The following ERAP1 variants were observed in gnomAD, a reference collection of about 807,000 sequenced individuals.
ERAP1 encodes the protein adipocyte-derived leucine aminopeptidase.
ERAP1 carries 86 observed loss-of-function variants against 103.7 expected under a neutral mutation model. The observed-to-expected ratio is 0.83, with a 90% CI of 0.70 to 0.99. The LOEUF is 0.99. Ranked by LOEUF, ERAP1 falls within the 50% of genes least tolerant of loss-of-function variation. The pLI is 0.00. For missense variants in ERAP1, 1,009 were observed against 1,128.4 expected, an observed-to-expected ratio of 0.89 and a Z score of 1.52; for synonymous variants, 398 against 402.4, an observed-to-expected ratio of 0.99 and a Z score of 0.13.
chr5:96,829,482 A>G, the ERAP1 span, among the ~76,000 whole-genome samples: 2 of 152,226 alleles, frequency 1.3e-5, no homozygotes, highest in African/African-American at 4.8e-5. Flanking sequence ...TCCGGATTGA[A>G]TTCTTTCCAT....
At chr5:96,837,540 G>A in the ERAP1 span, among the ~76,000 whole-genome samples, 1 of 152,234 alleles carries the variant, frequency 6.6e-6, no homozygotes, top group Non-Finnish European at 1.5e-5. Context: ...GGGTGGTGCA[G>A]GAGCCGAGGC....
chr5:96,762,315 G>T (rs755290356), exon 20 of ERAP1: 2 of 1,608,836 alleles, frequency 1.2e-6, no homozygotes, highest in South Asian at 2.2e-5. Flanking sequence ...TCTCTGAAGT[G>T]GTTTCCCAAA....
At chr5:96,830,075 T>A in the ERAP1 span, among the ~76,000 whole-genome samples, 1 of 152,194 alleles carries the variant, frequency 6.6e-6, no homozygotes, top group African/African-American at 2.4e-5. Flanking sequence ...TTCAAGAAGT[T>A]GGAGTCCAAG....
At chr5:96,872,739 G>T in the ERAP1 span, among the ~76,000 whole-genome samples, 1 of 152,194 alleles carries the variant, frequency 6.6e-6, no homozygotes, top group Non-Finnish European at 1.5e-5. Context: ...AAGTATCATT[G>T]TGTCTAATTT....
intron 10 of ERAP1, among the ~76,000 whole-genome samples, chr5:96,789,708 G>A (rs1776511394): frequency 6.6e-6 from 1 of 152,180 alleles, no homozygotes; most frequent in African/African-American, 2.4e-5. Context: ...GTGACTTGAT[G>A]TTATGAATAC....
chr5:96,912,358 T>C, the ERAP1 span, among the ~76,000 whole-genome samples: 1 of 152,124 alleles, frequency 6.6e-6, no homozygotes, highest in Non-Finnish European at 1.5e-5. Flanking sequence ...TTTATATTTG[T>C]TGATTACATC....
At chr5:96,845,004 A>G in the ERAP1 span, among the ~76,000 whole-genome samples, 87 of 152,274 alleles carry the variant, frequency 5.7e-4, no homozygotes, top group Admixed American at 9.8e-4. Context: ...AGGTTACTAA[A>G]GCATTGTGTT....
the ERAP1 span, chr5:96,892,308 CT>C: frequency 3.1e-6 from 5 of 1,613,620 alleles, no homozygotes; most frequent in Non-Finnish European, 4.2e-6. Flanking sequence ...GATTTAATTG[CT>C]ATTCCTGACT....
At chr5:96,762,763 C>T (rs1446478573) in exon 20 of ERAP1, 1 of 243,972 alleles carries the variant, frequency 4.1e-6, no homozygotes, top group Admixed American at 5.0e-5. Context: ...CATTATTTAA[C>T]CTCAAGTTTA....
At chr5:96,891,579 A>G in the ERAP1 span, among the ~76,000 whole-genome samples, 1 of 151,210 alleles carries the variant, frequency 6.6e-6, no homozygotes, top group East Asian at 1.9e-4. Flanking sequence ...TGGTACACAC[A>G]CACACACACA....
intron 13 of ERAP1, chr5:96,784,662 T>C (rs1203597469): frequency 6.4e-6 from 1 of 156,232 alleles, no homozygotes; most frequent in Non-Finnish European, 1.4e-5. Context: ...AAACACTGGA[T>C]TGAGTGGTGA....
chr5:96,824,748 C>T, the ERAP1 span, among the ~76,000 whole-genome samples: 1 of 152,276 alleles, frequency 6.6e-6, no homozygotes, highest in Admixed American at 6.5e-5. Flanking sequence ...TATTTTTATT[C>T]CATTAAAAAA....
the ERAP1 span, among the ~76,000 whole-genome samples, chr5:96,916,532 C>T: frequency 3.6e-5 from 5 of 139,286 alleles, no homozygotes; most frequent in Non-Finnish European, 6.1e-5. Flanking sequence ...CTTGCGATCT[C>T]GGCTCACTGC....
chr5:96,762,519 G>GTAA (rs1207800936), exon 20 of ERAP1: 1 of 530,330 alleles, frequency 1.9e-6, no homozygotes, highest in Non-Finnish European at 3.4e-6. Flanking sequence ...CGAGACTGAT[G>GTAA]ATTTAGCGAG....
chr5:96,788,067 CT>C (rs1405425776), intron 11 of ERAP1, among the ~76,000 whole-genome samples: 1 of 152,134 alleles, frequency 6.6e-6, no homozygotes, highest in African/African-American at 2.4e-5. Context: ...GTTGCAGCAT[CT>C]TGTTTCTAAT....
chr5:96,885,379 G>A, the ERAP1 span, among the ~76,000 whole-genome samples: 1 of 152,152 alleles, frequency 6.6e-6, no homozygotes, highest in Non-Finnish European at 1.5e-5. Flanking sequence ...ACGGTTGTTG[G>A]GGAAAATTAA....
the ERAP1 span, among the ~76,000 whole-genome samples, chr5:96,883,134 A>T: frequency 6.6e-6 from 1 of 152,166 alleles, no homozygotes; most frequent in East Asian, 1.9e-4. Context: ...ATGGTACAAG[A>T]ATATGAAAGT....
intron 5 of ERAP1, 131 bp downstream of exon 5, chr5:96,794,911 G>T: frequency 9.7e-7 from 1 of 1,026,326 alleles, no homozygotes; most frequent in East Asian, 2.6e-5. Context: ...TCAACCGCAG[G>T]TTTGTCACTT....
the ERAP1 span, among the ~76,000 whole-genome samples, chr5:96,900,471 A>C: frequency 6.6e-6 from 1 of 152,160 alleles, no homozygotes; most frequent in African/African-American, 2.4e-5. Flanking sequence ...TTACTACTGC[A>C]TTGGCATCCC....
Sources: allele counts gnomAD v4.1 joint callset (sites outside exome capture counted in the v4.1 genomes callset), GRCh38; gene constraint gnomAD v4.1.1; transcripts MANE v1.5; gene names NCBI Gene and HGNC (gene_info 2026-07-23, HGNC 2026-07-21).